The following PABPC4 variants were observed in gnomAD, a reference collection of about 807,000 sequenced individuals.
The protein encoded by PABPC4 is polyadenylate-binding protein 4.
PABPC4 carries 15 observed loss-of-function variants against 74.5 expected under a neutral mutation model. The ratio of observed to expected loss-of-function variants is 0.20; its 90% CI spans 0.13 to 0.31. The LOEUF (loss-of-function observed/expected upper bound fraction) is 0.31. Among genes scored for constraint, PABPC4 ranks in the 10% least tolerant of loss-of-function variants. The pLI is 1.00. For missense variants in PABPC4, 610 were observed against 853.5 expected, an observed-to-expected ratio of 0.71 and a Z score of 3.55; for synonymous variants, 345 against 303.0, an observed-to-expected ratio of 1.14 and a Z score of -1.44.
intron 2 of PABPC4, among the ~76,000 whole-genome samples, chr1:39,571,995 C>A (rs1411707833): frequency 6.6e-6 from 1 of 152,204 alleles, no homozygotes; most frequent in South Asian, 2.1e-4. Context: ...AACATATACA[C>A]CACCACCGTT....
In PABPC4 at chr1:39,575,984, G is replaced by A; in HGVS notation, c.-33C>T. 3 of 1,401,254 alleles carry A rather than the reference G, an allele frequency of 2.1e-6. No individual in the cohort carries two copies. The highest frequency in any genetic ancestry group is 2.8e-5 in the East Asian group (1 of 35,302). The allele number at this position is 1,401,254 out of a possible 1,614,324, so 86.8% of individuals were successfully genotyped here. A position where few individuals can be genotyped will look rare whatever the true frequency, so the allele number is the denominator to read the frequency against. ...CCCCCCACCACCCCGAGCCCCGCCA[G>A]GAGGACTTCTTATCGGGCCCGCCGC... On this transcript the variant is annotated 5_prime_UTR_variant, in exon 1 of 16. Transcript: ENST00000372858.
intron 7 of PABPC4, among the ~76,000 whole-genome samples, chr1:39,567,203 T>C (rs1645860076): frequency 6.6e-6 from 1 of 152,196 alleles, no homozygotes; most frequent in Admixed American, 6.5e-5. Flanking sequence ...ATGAGGTTCC[T>C]ACTTACCCTG....
At chr1:39,569,168 G>A (rs1645897368) in intron 5 of PABPC4, among the ~76,000 whole-genome samples, 2 of 152,220 alleles carry the variant, frequency 1.3e-5, no homozygotes, top group Non-Finnish European at 2.9e-5. Flanking sequence ...ATAAACACAA[G>A]TGTGCTGACA....
intron 3 of PABPC4, 113 bp downstream of exon 3, chr1:39,571,121 G>A: frequency 1.3e-6 from 2 of 1,574,268 alleles, no homozygotes; most frequent in Non-Finnish European, 1.7e-6. Context: ...AGAGGTAGGA[G>A]CAGGCCACAC....
In PABPC4 at chr1:39,569,849, GA is replaced by G; in HGVS notation, c.643+13del. On this transcript the variant is annotated intron_variant, in intron 4 of 15. Transcript: ENST00000372858. ...CTGGTAGACTGTGAAAGGAGACAAG[GA>G]ACCCCAACTTACCAAACTGACTGAA... 6.2e-7 allele frequency: 1 copy of G among 1,613,520 alleles called. No homozygotes were observed. Among genetic ancestry groups the G allele is most frequent in the Non-Finnish European group, 8.5e-7 (1 of 1,179,726 alleles).
intron 10 of PABPC4, chr1:39,564,196 C>G: frequency 1.6e-6 from 1 of 634,512 alleles, no homozygotes; most frequent in Admixed American, 3.0e-5. Context: ...CTACAACTAA[C>G]CTTTTTCACA....
chr1:39,569,791 G>C (rs1048539749), intron 4 of PABPC4, 72 bp downstream of exon 4: 26 of 1,590,612 alleles, frequency 1.6e-5, no homozygotes, highest in Non-Finnish European at 2.2e-5. Context: ...CTCTGGAGCA[G>C]TGCCCTCATC....
chr1:39,569,033 G>C (rs1233673753), intron 5 of PABPC4, 94 bp from the exon 6 acceptor site: 1 of 1,346,380 alleles, frequency 7.4e-7, no homozygotes, highest in Admixed American at 2.4e-5. Flanking sequence ...TCTACTATAG[G>C]ACTAAAAACT....
At position 39,562,154 on chromosome 1, in the gene PABPC4, C is replaced by T. The variant is rs1557712566; in HGVS notation, c.1812G>A (p.Gly604=). The T allele has an allele frequency of 7.4e-6, 12 of 1,614,136 alleles. No individual in the cohort carries two copies. Among genetic ancestry groups the T allele is most frequent in the Non-Finnish European group, 1.0e-5 (12 of 1,179,984 alleles). The change falls in exon 14 of 16, where the codon GGG becomes GGA. Residue 604 remains glycine (G), a synonymous_variant. Coordinates refer to ENST00000372858, the MANE Select transcript of PABPC4 (RefSeq NM_001135653.2). ...LIQTMHSNLA[G]KITGMLLEID... Reference sequence around the variant, plus strand: ...TCTCCAGCAGCATTCCCGTGATCTTCCCAGCCAGATTTGAATGCATTGTTT... The same window carrying T: ...TCTCCAGCAGCATTCCCGTGATCTTTCCAGCCAGATTTGAATGCATTGTTT...
Position 39,562,207 on chromosome 1 carries a change from T to G in PABPC4, c.1763-4A>C. 1 of 1,614,152 alleles carries G rather than the reference T, an allele frequency of 6.2e-7. No individual in the cohort carries two copies. The highest frequency in any genetic ancestry group is 2.2e-5 in the East Asian group (1 of 44,894). ...ATGAGTGGGAACAAGCGTTCTCCTA[T>G]GGGGAGGATAGTTAATAAAAAAACA... On this transcript the variant is annotated splice_polypyrimidine_tract_variant and splice_region_variant and intron_variant, in intron 13 of 15. Coordinates refer to ENST00000372858, the MANE Select transcript of PABPC4 (RefSeq NM_001135653.2).
chr1:39,563,690 G>GCAGCAGCAA lies in PABPC4; in HGVS notation c.1583_1591dup (p.Val528_Ala530dup). On this transcript the variant is annotated inframe_insertion, in exon 12 of 16. Transcript: ENST00000372858. ...GTAGGGGGCAACAGCCCGGGGAGCA[G>GCAGCAGCAA]CAGCAGCAACAGCAGCGCGTGGCGC... 1 of 1,614,290 alleles carries GCAGCAGCAA rather than the reference G, an allele frequency of 6.2e-7. No individual in the cohort carries two copies. The highest frequency in any genetic ancestry group is 8.5e-7 in the Non-Finnish European group (1 of 1,180,052).
chr1:39,568,864 G>A lies in PABPC4; in HGVS notation c.814C>T (p.Arg272Trp), dbSNP rs774189086. ...FVGRAQKKVE[R>W]QAELKRKFEQ... Reference sequence around the variant, plus strand: ...AATTTCCGTTTTAACTCTGCCTGCCGTTCTACTTTCTTTTGTGCACGGCCT... The same window carrying A: ...AATTTCCGTTTTAACTCTGCCTGCCATTCTACTTTCTTTTGTGCACGGCCT... The change falls in exon 6 of 16, where the codon CGG (arginine) becomes TGG (tryptophan). Residue 272 changes from arginine (R) to tryptophan (W), a missense_variant. Around this residue, in one of 4 missense-constraint regions of PABPC4, gnomAD observed 304 missense variants for 478.9 expected, o/e 0.63. Transcript: ENST00000372858. The A allele has an allele frequency of 7.4e-6, 12 of 1,613,854 alleles. No homozygotes were observed. The highest frequency in any genetic ancestry group is 1.1e-5 in the South Asian group (1 of 91,058).
chr1:39,561,517 A>G (rs1645768993), intron 15 of PABPC4, 168 bp downstream of exon 15: 3 of 605,696 alleles, frequency 5.0e-6, no homozygotes, highest in Non-Finnish European at 9.0e-6. Context: ...CAAAGTCCAC[A>G]GTCCTCATGA....
chr1:39,564,261 AC>A lies in PABPC4; in HGVS notation c.1453+161del, dbSNP rs1645803031. On this transcript the variant is annotated intron_variant, in intron 10 of 15. Coordinates refer to ENST00000372858, the MANE Select transcript of PABPC4 (RefSeq NM_001135653.2). ...AGCAACTGACACACCTAGAACTCAT[AC>A]TGTTTCTCTGCTCCTGAAGTGGCCA... 6 of 743,018 alleles carry A rather than the reference AC, an allele frequency of 8.1e-6. No individual in the cohort carries two copies. In the Admixed American group the frequency reaches 1.5e-4, roughly 18 times the overall value. 46.0% of individuals were successfully genotyped at this position (743,018 alleles called of 1,614,324 possible).
rs144898182 is a variant in PABPC4, at chr1:39,569,915, G to A, written c.591C>T (p.Asn197=). 1.3e-5 allele frequency: 21 copies of A among 1,613,934 alleles called. No homozygotes were observed. The highest frequency in any genetic ancestry group is 1.6e-5 in the Non-Finnish European group (19 of 1,180,026). The part of the protein sequence containing the change: ...AKEFTNVYIK[N]FGEEVDDESL... Reference sequence around the variant, plus strand: ...TCTCATCATCCACCTCTTCCCCAAAGTTTTTGATATAAACATTGGTGAATT... The same window carrying A: ...TCTCATCATCCACCTCTTCCCCAAAATTTTTGATATAAACATTGGTGAATT... The change falls in exon 4 of 16, where the codon AAC becomes AAT. Residue 197 remains asparagine, a synonymous_variant. Coordinates refer to ENST00000372858, the MANE Select transcript of PABPC4 (RefSeq NM_001135653.2).
In PABPC4 at chr1:39,575,916, G is replaced by C. The variant is rs369591874; in HGVS notation, c.36C>G (p.Ser12=). 1 of 1,608,558 alleles carries C rather than the reference G, an allele frequency of 6.2e-7. No homozygotes were observed. The highest frequency in any genetic ancestry group is 1.3e-5 in the African/African-American group (1 of 74,488). ...NAAASSYPMA[S]LYVGDLHSDV... is the part of the protein sequence containing the mutation. ...CCGAATGCAGGTCGCCCACGTACAG[G>C]GAGGCCATGGGGTAGCTGCTGGCCG... The change falls in exon 1 of 16, where the codon TCC becomes TCG. Residue 12 remains serine, a synonymous_variant. Coordinates refer to ENST00000372858, the MANE Select transcript of PABPC4 (RefSeq NM_001135653.2).
intron 5 of PABPC4, 69 bp downstream of exon 5, chr1:39,569,526 T>TAG: frequency 9.1e-7 from 1 of 1,098,146 alleles, no homozygotes; most frequent in Non-Finnish European, 1.4e-6. Context: ...AGGTAGGTGC[T>TAG]AGCAAGACCC....
chr1:39,569,715 G>A (rs1170189724), intron 4 of PABPC4, 26 bp from the exon 5 acceptor site: 8 of 1,596,074 alleles, frequency 5.0e-6, no homozygotes, highest in South Asian at 1.1e-5. Context: ...AGAACTATTA[G>A]TAACACCATC....
chr1:39,569,188 G>A (rs1001423998), intron 5 of PABPC4, among the ~76,000 whole-genome samples: 1 of 152,170 alleles, frequency 6.6e-6, no homozygotes, highest in African/African-American at 2.4e-5. Context: ...ATGAGCCTAG[G>A]GCGATATAAT....
Sources: gnomAD v4.1 joint callset for allele counts (sites outside exome capture counted in the v4.1 genomes callset) on GRCh38, gnomAD v4.1.1 for gene constraint, gnomAD v4.1.1 regional missense constraint, MANE v1.5 for transcripts, NCBI Gene and HGNC (gene_info 2026-07-23, HGNC 2026-07-21) for gene names.